Variants in SEZ6 observed in about 807,000 individuals in gnomAD.
SEZ6 encodes the protein seizure related 6 homolog, also known as seizure protein 6 homolog.
In SEZ6, 53 loss-of-function variants were observed where a neutral mutation model predicts 101.0. The observed-to-expected ratio is 0.52, with a 90% confidence interval of 0.42 to 0.66. The LOEUF (loss-of-function observed/expected upper bound fraction) is 0.66, where lower values mean the gene tolerates loss of function less well. Among genes scored for constraint, SEZ6 ranks in the 30% least tolerant of loss-of-function variants. The pLI is 0.00. For missense variants in SEZ6, 1,102 were observed against 1,289.4 expected, an observed-to-expected ratio of 0.85 and a Z score of 2.23; for synonymous variants, 488 against 512.2, an observed-to-expected ratio of 0.95 and a Z score of 0.64.
intron 5 of SEZ6, among the ~76,000 whole-genome samples, chr17:28,962,639 G>A (rs2040997580): frequency 1.3e-5 from 2 of 151,774 alleles, no homozygotes; most frequent in Non-Finnish European, 1.5e-5. Flanking sequence ...AAATTAGCTG[G>A]GTATGGTGGC....
chr17:28,957,879 T>C (rs2040909609), intron 11 of SEZ6, 68 bp downstream of exon 11: 1 of 1,534,550 alleles, frequency 6.5e-7, no homozygotes, highest in East Asian at 2.4e-5. Flanking sequence ...TACAGTCTGG[T>C]TCAGAATCCA....
chr17:28,962,192 A>G (rs1469354712), intron 5 of SEZ6, among the ~76,000 whole-genome samples: 1 of 152,138 alleles, frequency 6.6e-6, no homozygotes, highest in Admixed American at 6.5e-5. Flanking sequence ...GTGCTATTTC[A>G]TGCCTGCACA....
At chr17:28,966,407 C>T (rs1011764199) in intron 4 of SEZ6, among the ~76,000 whole-genome samples, 5 of 151,102 alleles carry the variant, frequency 3.3e-5, no homozygotes, top group Non-Finnish European at 5.9e-5. Context: ...CGCTTGAACT[C>T]GGGAGGCAGA....
rs929418092 is a variant in SEZ6 at position 28,993,320 on chromosome 17, A to G, written c.56-11281T>C. ...CCCCAGGCCCCTTCTCCTACCTGCT[A>G]TGTTAGGAGGCAGAGAATGAGGAGC... On this transcript the variant is annotated intron_variant, in intron 1 of 16. Coordinates refer to ENST00000317338, the MANE Select transcript of SEZ6 (RefSeq NM_178860.5). 4.6e-5 allele frequency among the ~76,000 whole-genome samples: 7 copies of G among 151,748 alleles called. No homozygotes were observed. In the South Asian group the frequency reaches 1.3e-3, roughly 27 times the overall value.
In SEZ6 at chr17:28,955,918, G is replaced by A. The variant is rs2040870990; in HGVS notation, c.*44C>T. The A allele has an allele frequency of 2.5e-6, 4 of 1,603,078 alleles. No individual in the cohort carries two copies. Among genetic ancestry groups the A allele is most frequent in the South Asian group, 1.1e-5 (1 of 88,814 alleles). On this transcript the variant is annotated 3_prime_UTR_variant, in exon 17 of 17. Transcript: ENST00000317338. ...GCCTTGCTGCTGGACTGTGGTGCAA[G>A]TCTGAGTTGACTTCCCTAGACTGCC... is the stretch of plus-strand genomic sequence containing the variant.
chr17:28,998,509 G>T (rs529434697), intron 1 of SEZ6, among the ~76,000 whole-genome samples: 1 of 152,184 alleles, frequency 6.6e-6, no homozygotes, highest in African/African-American at 2.4e-5. Flanking sequence ...AATCCAAGCA[G>T]CGGGTCTCCC....
At chr17:28,982,114 G>A (rs576240861) in intron 1 of SEZ6, 75 bp from the exon 2 acceptor site, 1 of 1,475,510 alleles carries the variant, frequency 6.8e-7, no homozygotes, top group East Asian at 2.4e-5. Context: ...CGAGTAGTGG[G>A]GGGGCCCGCT....
rs1818811351 is a variant in SEZ6 at position 29,005,520 on chromosome 17, G to A, written c.55+295C>T. 6.6e-6 allele frequency among the ~76,000 whole-genome samples: 1 copy of A among 152,224 alleles called. No homozygotes were observed. The highest frequency in any genetic ancestry group is 2.4e-5 in the African/African-American group (1 of 41,468). ...GGCGAGGTAGCGCGCGGGTGAGCGC[G>A]TGTGTGCGGGGAGTGGGTGGCGTGA... is the stretch of plus-strand genomic sequence containing the variant. On this transcript the variant is annotated intron_variant, in intron 1 of 16. Transcript: ENST00000317338. The surrounding 1 kb of genome is among the most constrained non-coding windows in gnomAD (Gnocchi z 4.8).
At position 29,004,503 on chromosome 17, in the gene SEZ6, G is replaced by A. The variant is rs573707185; in HGVS notation, c.55+1312C>T. Among the ~76,000 whole-genome samples, 10 of 152,322 alleles carry A rather than the reference G, an allele frequency of 6.6e-5. No homozygotes were observed. In the South Asian group the frequency reaches 1.7e-3, roughly 25 times the overall value. On this transcript the variant is annotated intron_variant, in intron 1 of 16. Transcript: ENST00000317338. ...GCGGGGTGAGGACACTGGGCTGTGT[G>A]CAAGTGGAGCTAGAGGCTCAGAAAA...
In SEZ6 at chr17:28,959,850, C is replaced by A. The variant is rs1243589169; in HGVS notation, c.1619G>T (p.Gly540Val). Reference protein sequence around the residue: ...GHCYEPFVKYGNFSSSTPTYP... With the variant: ...GHCYEPFVKYVNFSSSTPTYP... ...GGTGGGTGTGCTGCTGCTGAAGTTA[C>A]CGTATTTGACAAAGGGCTCATAGCA... Residue 540 changes from glycine (G) to valine (V), a missense_variant, in exon 8 of 17, where the codon GGT (glycine) becomes GTT (valine). Around this residue, in one of 3 missense-constraint regions of SEZ6, gnomAD observed 556 missense variants for 735.1 expected, o/e 0.76. Transcript: ENST00000317338. This position sits in a 1 kb window ranked among gnomAD's most constrained non-coding sequence, Gnocchi z 4.4. 1 of 1,613,298 alleles carries A rather than the reference C, an allele frequency of 6.2e-7. No individual in the cohort carries two copies. Among genetic ancestry groups the A allele is most frequent in the African/African-American group, 1.3e-5 (1 of 74,898 alleles).
chr17:28,996,304 G>T (rs67777803), intron 1 of SEZ6, among the ~76,000 whole-genome samples: 23,997 of 152,062 alleles, frequency 0.16, 2,134 homozygotes, highest in South Asian at 0.33. Flanking sequence ...CCCATCGGCA[G>T]GCAGGAGGAA....
rs1281876157 is a variant in SEZ6, at chr17:28,954,928, T to C, written c.*1034A>G. 1 of 149,244 alleles carries C rather than the reference T, an allele frequency of 6.7e-6. No homozygotes were observed. The highest frequency in any genetic ancestry group is 1.9e-4 in the East Asian group (1 of 5,148). 9.2% of individuals were successfully genotyped at this position (149,244 alleles called of 1,614,324 possible). ...GCTTTTTTTTTTTTTTTTTTTTTTTTTTCCAAAAACACCATTTTAATAAGG... is the reference window on the plus strand; with the variant it reads ...GCTTTTTTTTTTTTTTTTTTTTTTTCTTCCAAAAACACCATTTTAATAAGG... On this transcript the variant is annotated 3_prime_UTR_variant, in exon 17 of 17. Transcript: ENST00000317338.
intron 3 of SEZ6, 60 bp downstream of exon 3, chr17:28,979,620 C>T: frequency 1.2e-6 from 2 of 1,610,552 alleles, no homozygotes; most frequent in Non-Finnish European, 1.7e-6. Flanking sequence ...GCATGTGCCT[C>T]TCTGAAGAAA....
intron 2 of SEZ6, among the ~76,000 whole-genome samples, 193 bp from the exon 3 acceptor site, chr17:28,980,006 C>CTT (rs80050742): frequency 1.9e-4 from 26 of 138,034 alleles, no homozygotes; most frequent in Non-Finnish European, 3.5e-4. Context: ...CATGTGCAAT[C>CTT]TTTTTTTTTT....
chr17:29,003,076 A>G (rs1380206061), intron 1 of SEZ6, among the ~76,000 whole-genome samples: 1 of 152,178 alleles, frequency 6.6e-6, no homozygotes, highest in African/African-American at 2.4e-5. Context: ...AGCGGCTTCC[A>G]CCTTCATAAT....
Position 28,981,607 on chromosome 17 carries a change from A to T in SEZ6, c.488T>A (p.Val163Glu). 1.2e-6 allele frequency: 2 copies of T among 1,600,340 alleles called. No homozygotes were observed. Among genetic ancestry groups the T allele is most frequent in the Non-Finnish European group, 1.7e-6 (2 of 1,170,340 alleles). ...APLPPGPSMA[V>E]PTLGPGEIAS... ...TATCTCCCCTGGGCCTAGGGTGGGC[A>T]CTGCCATGCTGGGCCCTGGAGGTAG... The change falls in exon 2 of 17, where the codon GTG (valine) becomes GAG (glutamate). Residue 163 changes from valine to glutamate, a missense_variant. By Grantham distance (121) the Val-to-Glu change is moderately radical. Around this residue, in one of 3 missense-constraint regions of SEZ6, gnomAD observed 406 missense variants for 418.6 expected, o/e 0.97. Transcript: ENST00000317338.
At chr17:29,003,108 A>T (rs2041636976) in intron 1 of SEZ6, among the ~76,000 whole-genome samples, 1 of 152,202 alleles carries the variant, frequency 6.6e-6, no homozygotes, top group Admixed American at 6.5e-5. Context: ...ACATTCACAC[A>T]TGCAGAGTTT....
At chr17:28,972,050 C>T (rs1054828219) in intron 3 of SEZ6, among the ~76,000 whole-genome samples, 11 of 152,254 alleles carry the variant, frequency 7.2e-5, no homozygotes, top group African/African-American at 2.7e-4. Context: ...CTCACTTCTG[C>T]CCCCTGGGCA....
At chr17:28,962,492 T>G (rs1284052033) in intron 5 of SEZ6, among the ~76,000 whole-genome samples, 1 of 152,170 alleles carries the variant, frequency 6.6e-6, no homozygotes, top group Non-Finnish European at 1.5e-5. Flanking sequence ...TGAAATAAGA[T>G]TCATGGCTGG....
Sources: gnomAD v4.1 joint callset for allele counts (sites outside exome capture counted in the v4.1 genomes callset) on GRCh38, gnomAD v4.1.1 for gene constraint, gnomAD v4.1.1 regional missense constraint, Gnocchi (gnomAD v3.1) non-coding constraint, MANE v1.5 for transcripts, NCBI Gene and HGNC (gene_info 2026-07-23, HGNC 2026-07-21) for gene names.